The following PITPNB variants were observed in gnomAD, a reference collection of about 807,000 sequenced individuals.
The protein encoded by PITPNB is phosphatidylinositol transfer protein beta.
A neutral mutation model predicts 45.9 loss-of-function variants in PITPNB; 16 were observed. The ratio of observed to expected loss-of-function variants is 0.35; its 90% CI spans 0.24 to 0.53. The LOEUF (loss-of-function observed/expected upper bound fraction) is 0.53. Ranked by LOEUF, PITPNB falls within the 20% of genes least tolerant of loss-of-function variation. The pLI, the probability that PITPNB is intolerant of heterozygous loss-of-function variation, is 0.93. For synonymous variants in PITPNB, 112 were observed against 108.9 expected, an observed-to-expected ratio of 1.03 and a Z score of -0.18; for missense variants, 188 against 330.5, an observed-to-expected ratio of 0.57 and a Z score of 3.34.
At chr22:27,855,564 AAAAC>A (rs1934148432) in intron 10 of PITPNB, among the ~76,000 whole-genome samples, 1 of 152,226 alleles carries the variant, frequency 6.6e-6, no homozygotes, top group African/African-American at 2.4e-5. Context: ...AAATGAACAG[AAAAC>A]AAACAAATGC....
chr22:27,918,925 C>G (rs912665078), intron 1 of PITPNB, among the ~76,000 whole-genome samples: 1 of 151,938 alleles, frequency 6.6e-6, no homozygotes, highest in African/African-American at 2.4e-5. Flanking sequence ...GAGCCATGCG[C>G]TCGGGCCGGG....
chr22:27,911,192 T>C, intron 2 of PITPNB, 83 bp from the exon 3 acceptor site: 1 of 953,154 alleles, frequency 1.0e-6, no homozygotes, highest in South Asian at 1.4e-5. Flanking sequence ...ATAATATAGA[T>C]GATATAGAAA....
intron 8 of PITPNB, among the ~76,000 whole-genome samples, chr22:27,865,281 A>G (rs1166175284): frequency 1.3e-5 from 2 of 152,224 alleles, no homozygotes; most frequent in African/African-American, 4.8e-5. Flanking sequence ...GTACTATTTC[A>G]AGTCTTCATT....
intron 3 of PITPNB, among the ~76,000 whole-genome samples, chr22:27,906,161 G>A (rs1935753013): frequency 6.6e-6 from 1 of 152,146 alleles, no homozygotes; most frequent in Non-Finnish European, 1.5e-5. Context: ...GGTGTACTCA[G>A]AAAACCAAGC....
chr22:27,863,055 A>G (rs769281403), intron 8 of PITPNB, among the ~76,000 whole-genome samples: 5 of 152,244 alleles, frequency 3.3e-5, no homozygotes, highest in Non-Finnish European at 4.4e-5. Flanking sequence ...CAATGAGCCA[A>G]TGCTGAAGTA....
At chr22:27,890,349 C>T (rs1935237600) in intron 7 of PITPNB, among the ~76,000 whole-genome samples, 1 of 144,558 alleles carries the variant, frequency 6.9e-6, no homozygotes, top group South Asian at 2.3e-4. Flanking sequence ...AATATGCATA[C>T]TGGAATTATT....
intron 3 of PITPNB, among the ~76,000 whole-genome samples, chr22:27,904,826 A>G (rs940209718): frequency 1.3e-5 from 2 of 152,226 alleles, no homozygotes; most frequent in Non-Finnish European, 2.9e-5. Flanking sequence ...AGGGAATAAA[A>G]TAACCAGACA....
At chr22:27,899,230 C>T (rs527897582) in intron 3 of PITPNB, among the ~76,000 whole-genome samples, 12 of 152,308 alleles carry the variant, frequency 7.9e-5, no homozygotes, top group African/African-American at 2.2e-4. Flanking sequence ...TAAGTTGATA[C>T]GGAGCTGGGT....
intron 10 of PITPNB, 95 bp from the exon 11 acceptor site, chr22:27,855,034 G>A: frequency 3.6e-6 from 3 of 841,326 alleles, no homozygotes; most frequent in Non-Finnish European, 6.0e-6. Flanking sequence ...AGATTATGAA[G>A]TGATGTTCAT....
intron 8 of PITPNB, 39 bp from the exon 9 acceptor site, chr22:27,860,280 A>AGTC: frequency 8.2e-7 from 1 of 1,224,246 alleles, no homozygotes. Context: ...TTATGACTTA[A>AGTC]ATATTTATGT....
intron 6 of PITPNB, 125 bp downstream of exon 6, chr22:27,896,426 CA>C: frequency 1.4e-6 from 1 of 713,878 alleles, no homozygotes; most frequent in Non-Finnish European, 2.5e-6. Context: ...CGCCTCATCT[CA>C]ATTTGACACA....
chr22:27,869,102 C>T (rs531661352), intron 8 of PITPNB, among the ~76,000 whole-genome samples: 19 of 152,136 alleles, frequency 1.2e-4, no homozygotes, highest in South Asian at 2.1e-4. Flanking sequence ...CACAAACACA[C>T]GTGCACACAG....
chr22:27,873,414 T>C (rs2146366236), intron 8 of PITPNB, among the ~76,000 whole-genome samples: 1 of 152,346 alleles, frequency 6.6e-6, no homozygotes, highest in African/African-American at 2.4e-5. Flanking sequence ...ATTTAAACTA[T>C]AAACCTTCAT....
intron 7 of PITPNB, among the ~76,000 whole-genome samples, chr22:27,876,553 A>C (rs1288230848): frequency 6.6e-6 from 1 of 152,206 alleles, no homozygotes; most frequent in African/African-American, 2.4e-5. Context: ...TAATCAGCTG[A>C]ATTAAGTTGC....
At chr22:27,861,340 G>C (rs1308168410) in intron 8 of PITPNB, among the ~76,000 whole-genome samples, 1 of 152,058 alleles carries the variant, frequency 6.6e-6, no homozygotes, top group African/African-American at 2.4e-5. Flanking sequence ...AACTGGGGTG[G>C]GAGGTGGGGC....
In PITPNB at chr22:27,896,288, T is replaced by C. The variant is rs536181355; in HGVS notation, c.372+264A>G. On this transcript the variant is annotated intron_variant, in intron 6 of 11. Coordinates refer to ENST00000335272, the MANE Select transcript of PITPNB (RefSeq NM_012399.5). ...CTAAAATTGGGCTGGGGATTATCTG[T>C]GAATTTTGTTTATTCATGCTCTCCT... is the stretch of plus-strand genomic sequence containing the variant. Among the ~76,000 whole-genome samples, 3 of 152,316 alleles carry C rather than the reference T, an allele frequency of 2.0e-5. No homozygotes were observed. The South Asian group carries it at 6.2e-4, about 32-fold the overall frequency.
intron 3 of PITPNB, among the ~76,000 whole-genome samples, chr22:27,906,212 C>CT (rs1277587097): frequency 6.6e-6 from 1 of 152,162 alleles, no homozygotes; most frequent in East Asian, 1.9e-4. Flanking sequence ...GAAAAAAACG[C>CT]TCAGGGTGGG....
At chr22:27,859,842 C>T (rs1021518556) in intron 9 of PITPNB, among the ~76,000 whole-genome samples, 1 of 152,132 alleles carries the variant, frequency 6.6e-6, no homozygotes, top group African/African-American at 2.4e-5. Context: ...CTCTTGGGGA[C>T]GTGCTGTATG....
Position 27,858,428 on chromosome 22 carries a change from T to C in PITPNB, c.727A>G (p.Ile243Val), listed in dbSNP as rs1396973821. ...TGAGTCTCGTCTTCCATTCTCCTAA[T>C]GTCTTCCATCGTGAGATCGATCCAC... is the stretch of plus-strand genomic sequence containing the variant. ...DKWIDLTMED[I>V]RRMEDETQKE... Residue 243 changes from isoleucine to valine, a missense_variant, in exon 10 of 12, where the codon ATT (isoleucine) becomes GTT (valine). Physicochemically the swap from Ile to Val is conservative, Grantham distance 29. Transcript: ENST00000335272. The C allele has an allele frequency of 1.9e-6, 3 of 1,610,102 alleles. No individual in the cohort carries two copies. Among genetic ancestry groups the C allele is most frequent in the Non-Finnish European group, 2.5e-6 (3 of 1,177,256 alleles).
Sources: gnomAD v4.1 joint callset for allele counts (sites outside exome capture counted in the v4.1 genomes callset) on GRCh38, gnomAD v4.1.1 for gene constraint, MANE v1.5 for transcripts, NCBI Gene and HGNC (gene_info 2026-07-23, HGNC 2026-07-21) for gene names.